The following FAM135B variants were observed in gnomAD, a reference collection of about 807,000 sequenced individuals.
FAM135B encodes protein FAM135B.
Under a neutral mutation model 127.7 loss-of-function variants are expected in FAM135B, and 43 were observed. The ratio of observed to expected loss-of-function variants is 0.34; its 90% CI spans 0.26 to 0.43. The LOEUF (loss-of-function observed/expected upper bound fraction) is 0.43, where lower values mean the gene tolerates loss of function less well. Ranked by LOEUF, FAM135B falls within the 20% of genes least tolerant of loss-of-function variation. FAM135B has a pLI of 1.00. For synonymous variants in FAM135B, 670 were observed against 665.1 expected (o/e 1.01, Z -0.11); for missense variants, 1,558 against 1,725.6 (o/e 0.90, Z 1.72).
intron 2 of FAM135B, among the ~76,000 whole-genome samples, chr8:138,360,092 G>C (rs1438770437): frequency 6.6e-6 from 1 of 152,086 alleles, no homozygotes; most frequent in Admixed American, 6.6e-5. Flanking sequence ...AAGAAGGAGA[G>C]GAAGAAAGAC....
intron 2 of FAM135B, among the ~76,000 whole-genome samples, chr8:138,355,801 C>A (rs1017230152): frequency 2.0e-5 from 3 of 152,188 alleles, no homozygotes; most frequent in Non-Finnish European, 4.4e-5. Flanking sequence ...GACATCACAA[C>A]ATTTGAATGC....
intron 1 of FAM135B, among the ~76,000 whole-genome samples, chr8:138,460,650 G>A (rs1013399784): frequency 5.3e-5 from 8 of 152,072 alleles, no homozygotes; most frequent in African/African-American, 9.7e-5. Flanking sequence ...GCTCCTCTAG[G>A]TGACTCCATT....
At chr8:138,328,589 G>A (rs1402316240) in intron 2 of FAM135B, among the ~76,000 whole-genome samples, 1 of 152,148 alleles carries the variant, frequency 6.6e-6, no homozygotes, top group Admixed American at 6.5e-5. Flanking sequence ...ACAAGGAAGT[G>A]CAAACAGACA....
chr8:138,233,058 T>C (rs985399276), intron 7 of FAM135B, among the ~76,000 whole-genome samples: 46 of 152,224 alleles, frequency 3.0e-4, no homozygotes, highest in African/African-American at 1.1e-3. Context: ...CTGTGACTAG[T>C]TGATGTCACT....
chr8:138,486,574 C>T (rs1814993108), intron 1 of FAM135B, among the ~76,000 whole-genome samples: 1 of 152,182 alleles, frequency 6.6e-6, no homozygotes, highest in Non-Finnish European at 1.5e-5. Context: ...GGAGGATACG[C>T]TGCCAGAGCT....
chr8:138,312,911 A>T (rs1826805293), intron 2 of FAM135B, among the ~76,000 whole-genome samples: 1 of 152,094 alleles, frequency 6.6e-6, no homozygotes, highest in South Asian at 2.1e-4. Flanking sequence ...TGTGATTTTC[A>T]CAAAGGTGCA....
At chr8:138,389,787 CT>C (rs1471156734) in intron 1 of FAM135B, among the ~76,000 whole-genome samples, 1 of 152,144 alleles carries the variant, frequency 6.6e-6, no homozygotes, top group African/African-American at 2.4e-5. Context: ...GAATCGTTCA[CT>C]TTAAAATGGA....
At chr8:138,223,829 T>C (rs1001280650) in intron 7 of FAM135B, among the ~76,000 whole-genome samples, 1 of 152,194 alleles carries the variant, frequency 6.6e-6, no homozygotes, top group Non-Finnish European at 1.5e-5. Flanking sequence ...ATGAGGTCCA[T>C]ATACAACGTG....
At chr8:138,329,109 T>C (rs1451253419) in intron 2 of FAM135B, among the ~76,000 whole-genome samples, 7 of 151,548 alleles carry the variant, frequency 4.6e-5, no homozygotes, top group Non-Finnish European at 1.5e-5. Flanking sequence ...AGGTGATCGA[T>C]TGAAAAGCAG....
chr8:138,493,432 A>C (rs1380304487), intron 1 of FAM135B, among the ~76,000 whole-genome samples: 3 of 152,172 alleles, frequency 2.0e-5, no homozygotes, highest in African/African-American at 7.2e-5. Context: ...GCATTTCAAA[A>C]AATTCTGGAA....
chr8:138,416,708 T>A (rs1450778067), intron 1 of FAM135B, among the ~76,000 whole-genome samples: 1 of 151,718 alleles, frequency 6.6e-6, no homozygotes. Context: ...GCTGACTAGA[T>A]GTGGACAGGA....
At chr8:138,275,715 A>T (rs936633674) in intron 3 of FAM135B, among the ~76,000 whole-genome samples, 1 of 152,134 alleles carries the variant, frequency 6.6e-6, no homozygotes, top group Non-Finnish European at 1.5e-5. Context: ...AGTAAATAAA[A>T]TGAATAAATA....
chr8:138,240,182 T>C (rs983161987), intron 7 of FAM135B, among the ~76,000 whole-genome samples: 1 of 151,806 alleles, frequency 6.6e-6, no homozygotes. Context: ...TCCACAAGAG[T>C]GAATGAGTTC....
At chr8:138,337,589 C>T (rs1047534251) in intron 2 of FAM135B, among the ~76,000 whole-genome samples, 2 of 152,104 alleles carry the variant, frequency 1.3e-5, no homozygotes, top group Non-Finnish European at 2.9e-5. Context: ...CTACAAACCA[C>T]TGCTCAATGA....
In FAM135B at chr8:138,151,688, G is replaced by C. The variant is rs756694156; in HGVS notation, c.2787C>G (p.Leu929=). 8 of 1,614,212 alleles carry C rather than the reference G, an allele frequency of 5.0e-6. No homozygotes were observed. In the Admixed American group the frequency reaches 8.3e-5, roughly 17 times the overall value. Residue 929 remains leucine, a synonymous_variant, in exon 13 of 20, where the codon CTC becomes CTG. Transcript: ENST00000395297. ...TCAATTCAGGCACCTGATGTTGAGA[G>C]AGACCCTCAACCTCTGAGATGCCAC... ...SNSGISEVEG[L]SQHQVPELSC...
intron 1 of FAM135B, among the ~76,000 whole-genome samples, chr8:138,418,848 G>T (rs138611815): frequency 0.01 from 1,452 of 144,944 alleles, 22 homozygotes; most frequent in African/African-American, 0.033. Context: ...CCTTAAGGGA[G>T]TGCTAAACAT....
At chr8:138,186,726 A>T (rs1815618249) in intron 9 of FAM135B, among the ~76,000 whole-genome samples, 1 of 152,246 alleles carries the variant, frequency 6.6e-6, no homozygotes, top group African/African-American at 2.4e-5. Context: ...AAGAGCCGGT[A>T]GTCCTGCAGC....
At chr8:138,320,449 C>A (rs184798304) in intron 2 of FAM135B, among the ~76,000 whole-genome samples, 1 of 152,338 alleles carries the variant, frequency 6.6e-6, no homozygotes, top group Non-Finnish European at 1.5e-5. Context: ...CCTCAATTTC[C>A]TCATCACTCT....
At chr8:138,416,376 A>C (rs1037956862) in intron 1 of FAM135B, among the ~76,000 whole-genome samples, 1 of 152,230 alleles carries the variant, frequency 6.6e-6, no homozygotes, top group African/African-American at 2.4e-5. Flanking sequence ...TACATAATAC[A>C]TAAGACCTGT....
Sources: gnomAD v4.1 joint callset for allele counts (sites outside exome capture counted in the v4.1 genomes callset) on GRCh38, gnomAD v4.1.1 for gene constraint, MANE v1.5 for transcripts, NCBI Gene and HGNC (gene_info 2026-07-23, HGNC 2026-07-21) for gene names.